Variants in ATF7IP2 observed in about 807,000 individuals in gnomAD.
ATF7IP2 encodes activating transcription factor 7 interacting protein 2.
A neutral mutation model predicts 64.2 loss-of-function variants in ATF7IP2; 42 were observed. That is an observed-to-expected ratio of 0.65 (90% confidence interval 0.51 to 0.85). The LOEUF (loss-of-function observed/expected upper bound fraction) is 0.85. Among genes scored for constraint, ATF7IP2 ranks in the 40% least tolerant of loss-of-function variants. The pLI is 0.00. For missense variants in ATF7IP2, 933 were observed against 784.2 expected (o/e 1.19, Z -2.27); for synonymous variants, 308 against 272.8 (o/e 1.13, Z -1.27).
rs267604402 is a variant in ATF7IP2, at chr16:10,457,471, G to A, written c.1294G>A (p.Glu432Lys). 1.4e-5 allele frequency: 23 copies of A among 1,593,664 alleles called. No homozygotes were observed. The highest frequency in any genetic ancestry group is 1.7e-4 in the Middle Eastern group (1 of 6,018). The change falls in exon 9 of 14, where the codon GAA (glutamate) becomes AAA (lysine). Residue 432 changes from glutamate to lysine, a missense_variant. By Grantham distance (56) the Glu-to-Lys change is moderately conservative. Coordinates refer to ENST00000562102, the MANE Select transcript of ATF7IP2 (RefSeq NM_001393719.1). ...SVNYEPSNPS[E>K]KGSKKINLSS... ...GAATTATGAGCCTTCTAACCCTTCC[G>A]AAAAAGGAAGTAAAAAAATTAATTT...
chr16:10,416,441 G>T (rs1043607755), intron 2 of ATF7IP2, among the ~76,000 whole-genome samples: 3 of 152,110 alleles, frequency 2.0e-5, no homozygotes, highest in Non-Finnish European at 4.4e-5. Flanking sequence ...GTTACCATAG[G>T]CTGGGAAAGG....
At chr16:10,408,803 G>A (rs76416265) in intron 1 of ATF7IP2, among the ~76,000 whole-genome samples, 1 of 152,192 alleles carries the variant, frequency 6.6e-6, no homozygotes, top group South Asian at 2.1e-4. Context: ...TGCTTACTCT[G>A]CTGACTCTTC....
intron 1 of ATF7IP2, among the ~76,000 whole-genome samples, chr16:10,396,280 C>T (rs1468277032): frequency 6.6e-6 from 1 of 152,184 alleles, no homozygotes; most frequent in African/African-American, 2.4e-5. Context: ...GGTTATTAAC[C>T]CCTGATCAGA....
rs1189015577 is a variant in ATF7IP2, at chr16:10,390,250, T to G, written c.-242+4128T>G. On this transcript the variant is annotated intron_variant, in intron 1 of 13. Transcript: ENST00000562102. ...ACCCAACTAAATCAGCATGCACCCA[T>G]AACTTCGAACTATAACAGGAAAAAA... Among the ~76,000 whole-genome samples the G allele has an allele frequency of 2.0e-5, 3 of 152,114 alleles. 1 individual carries two copies. Among genetic ancestry groups the G allele is most frequent in the Non-Finnish European group, 2.9e-5 (2 of 68,030 alleles).
rs1409226105 is a variant in ATF7IP2, at chr16:10,452,503, A to T, written c.1195-4869A>T. 2.0e-5 allele frequency among the ~76,000 whole-genome samples: 3 copies of T among 152,294 alleles called. 1 individual carries two copies. The highest frequency in any genetic ancestry group is 2.1e-4 in the South Asian group (1 of 4,816). On this transcript the variant is annotated intron_variant, in intron 8 of 13. Coordinates refer to ENST00000562102, the MANE Select transcript of ATF7IP2 (RefSeq NM_001393719.1). ...CTTCATCCCAGAGGGGCACTGACAG[A>T]TGCCAGCCAGAGCTCTCTTGTATGA...
At chr16:10,423,188 G>A (rs2048020859) in intron 3 of ATF7IP2, among the ~76,000 whole-genome samples, 1 of 151,978 alleles carries the variant, frequency 6.6e-6, no homozygotes, top group Admixed American at 6.6e-5. Context: ...AGCTGGCAGT[G>A]AGCCGAGACC....
At chr16:10,402,497 C>G (rs1226188357) in intron 1 of ATF7IP2, among the ~76,000 whole-genome samples, 1 of 152,150 alleles carries the variant, frequency 6.6e-6, no homozygotes, top group Non-Finnish European at 1.5e-5. Context: ...AGGTCTTACT[C>G]TGTCACCCAG....
chr16:10,476,150 C>T (rs969440991), intron 12 of ATF7IP2, among the ~76,000 whole-genome samples: 2 of 152,162 alleles, frequency 1.3e-5, no homozygotes, highest in African/African-American at 4.8e-5. Flanking sequence ...TATAATTGTA[C>T]AAATCTGTCT....
intron 8 of ATF7IP2, among the ~76,000 whole-genome samples, chr16:10,451,690 C>T (rs1461500349): frequency 2.6e-5 from 4 of 151,930 alleles, no homozygotes; most frequent in Admixed American, 2.0e-4. Flanking sequence ...ATATTCTTCT[C>T]TAAACTGGTT....
intron 8 of ATF7IP2, among the ~76,000 whole-genome samples, chr16:10,456,765 C>G (rs938686962): frequency 3.3e-5 from 5 of 152,136 alleles, no homozygotes; most frequent in Non-Finnish European, 7.3e-5. Context: ...CCTAATCCTA[C>G]CAGTATGGAA....
intron 1 of ATF7IP2, chr16:10,386,422 G>A (rs1429471583): frequency 2.0e-5 from 3 of 152,322 alleles, no homozygotes; most frequent in African/African-American, 7.2e-5. Context: ...GACTGCGGAG[G>A]GAAGTGGTGC....
rs1354705940 is a variant in ATF7IP2 at position 10,430,718 on chromosome 16, G to A, written c.98G>A (p.Arg33Lys). The A allele has an allele frequency of 7.4e-6, 12 of 1,614,020 alleles. No individual in the cohort carries two copies. Among genetic ancestry groups the A allele is most frequent in the Non-Finnish European group, 9.3e-6 (11 of 1,180,034 alleles). ...CAAGTAGAGATGCTGAATAAGTCAA[G>A]GAATGTTGAAGCGCTGAAAACAGCA... ...RKQVEMLNKS[R>K]NVEALKTAIG... is the part of the protein sequence containing the mutation. Residue 33 changes from arginine to lysine, a missense_variant, in exon 5 of 14, where the codon AGG (arginine) becomes AAG (lysine). Transcript: ENST00000562102.
intron 8 of ATF7IP2, chr16:10,449,736 A>C (rs1247031602): frequency 4.0e-5 from 6 of 151,510 alleles, no homozygotes; most frequent in African/African-American, 1.5e-4. Context: ...ATTTTGTTGG[A>C]TCTTTTTTAA....
intron 5 of ATF7IP2, 136 bp from the exon 6 acceptor site, chr16:10,433,389 G>A (rs973984687): frequency 9.0e-6 from 6 of 669,788 alleles, no homozygotes; most frequent in Admixed American, 3.0e-5. Flanking sequence ...TGCCCAGGCT[G>A]GTCTTGAACT....
chr16:10,443,055 G>A (rs559501080), intron 8 of ATF7IP2, among the ~76,000 whole-genome samples: 17 of 152,226 alleles, frequency 1.1e-4, no homozygotes, highest in Admixed American at 2.6e-4. Context: ...CTGGTTGATG[G>A]AATGCTAGAG....
rs200608405 is a variant in ATF7IP2, at chr16:10,440,169, A to AT, written c.1096-187dup. On this transcript the variant is annotated intron_variant, in intron 7 of 13. Transcript: ENST00000562102. ...GAGCGAAACTCCATCTCAAAAAAAA[A>AT]TTTTTTTTATTTATATATATGTATA... Among the ~76,000 whole-genome samples, 1,174 of 151,774 alleles carry AT rather than the reference A, an allele frequency of 7.7e-3. 11 individuals carry two copies. Among genetic ancestry groups the AT allele is most frequent in the African/African-American group, 0.026 (1,093 of 41,478 alleles).
chr16:10,470,703 G>C (rs2049762358), intron 9 of ATF7IP2, among the ~76,000 whole-genome samples: 1 of 151,940 alleles, frequency 6.6e-6, no homozygotes, highest in African/African-American at 2.4e-5. Flanking sequence ...AGGATCTTTT[G>C]AGCCCAGAGG....
Position 10,430,826 on chromosome 16 carries a change from C to T in ATF7IP2, c.206C>T (p.Pro69Leu). The T allele has an allele frequency of 6.2e-7, 1 of 1,614,014 alleles. No individual in the cohort carries two copies. The highest frequency in any genetic ancestry group is 8.5e-7 in the Non-Finnish European group (1 of 1,179,926). ...ACGACTGAAATAACCAAATGTAGCC[C>T]TTCTGAAAATGGTGCATCCTCATTG... ...TRTTEITKCS[P>L]SENGASSLDS... The change falls in exon 5 of 14, where the codon CCT (proline) becomes CTT (leucine). Residue 69 changes from proline (P) to leucine (L), a missense_variant. By Grantham distance (98) the Pro-to-Leu change is moderately conservative. Transcript: ENST00000562102.
chr16:10,462,529 T>C (rs181490999), intron 9 of ATF7IP2, among the ~76,000 whole-genome samples: 50 of 152,288 alleles, frequency 3.3e-4, no homozygotes, highest in Non-Finnish European at 5.9e-5. Flanking sequence ...ATCACATTGC[T>C]TTCTGACTTC....
Sources: gnomAD v4.1 joint callset for allele counts (sites outside exome capture counted in the v4.1 genomes callset) on GRCh38, gnomAD v4.1.1 for gene constraint, MANE v1.5 for transcripts, NCBI Gene and HGNC (gene_info 2026-07-23, HGNC 2026-07-21) for gene names.